TRARG1: variants seen among roughly 807,000 people sequenced by gnomAD.
TRARG1 encodes trafficking regulator of GLUT4 1.
In TRARG1, 16 loss-of-function variants were observed where a neutral mutation model predicts 13.3. That is an observed-to-expected ratio of 1.20 (90% CI 0.81 to 1.83). The LOEUF is 1.83. Ranked by LOEUF, TRARG1 falls within the 40% of genes most tolerant of loss-of-function variation. TRARG1 has a pLI of 0.00. For missense variants in TRARG1, 250 were observed against 237.4 expected, an observed-to-expected ratio of 1.05 and a Z score of -0.35; for synonymous variants, 113 against 106.2, an observed-to-expected ratio of 1.06 and a Z score of -0.39.
In TRARG1 at chr17:1,280,268, C is replaced by A. The variant is rs777449339; in HGVS notation, c.267C>A (p.Ile89=). 2 of 1,614,088 alleles carry A rather than the reference C, an allele frequency of 1.2e-6. No homozygotes were observed. Among genetic ancestry groups the A allele is most frequent in the East Asian group, 4.5e-5 (2 of 44,878 alleles). The change falls in exon 1 of 3, where the codon ATC becomes ATA. Residue 89 remains isoleucine, a synonymous_variant. Coordinates refer to ENST00000333813, the MANE Select transcript of TRARG1 (RefSeq NM_172367.3). ...SRASSRRASS[I]ATTSYAQDQE... is the part of the protein sequence containing the mutation. ...CCAGCTCAAGGAGGGCGTCCTCCATCGCCACCACCTCCTATGCCCAAGACC... is the reference window on the plus strand; with the variant it reads ...CCAGCTCAAGGAGGGCGTCCTCCATAGCCACCACCTCCTATGCCCAAGACC...
intron 2 of TRARG1, among the ~76,000 whole-genome samples, chr17:1,296,747 G>T (rs182087020): frequency 2.2e-4 from 34 of 152,006 alleles, no homozygotes; most frequent in Non-Finnish European, 4.4e-5. Flanking sequence ...CTGACTTCAG[G>T]TGATCCTCCC....
At position 1,295,550 on chromosome 17, in the gene TRARG1, T is replaced by C; in HGVS notation, c.447T>C (p.Ala149=). ...GCGCCCGGAGGCTGGGCCGCCTGGCTCGGCTGCTCAGCATTACCCTCATCA... is the reference window on the plus strand; with the variant it reads ...GCGCCCGGAGGCTGGGCCGCCTGGCCCGGCTGCTCAGCATTACCCTCATCA... The part of the protein sequence containing the change: ...VDGARRLGRL[A]RLLSITLIIM... The change falls in exon 2 of 3, where the codon GCT becomes GCC. Residue 149 remains alanine (A), a synonymous_variant. Transcript: ENST00000333813. 6.2e-7 allele frequency: 1 copy of C among 1,613,368 alleles called. No individual in the cohort carries two copies. The highest frequency in any genetic ancestry group is 8.5e-7 in the Non-Finnish European group (1 of 1,179,832).
chr17:1,294,491 G>T (rs1163893439), intron 1 of TRARG1, among the ~76,000 whole-genome samples: 1 of 48,064 alleles, frequency 2.1e-5, no homozygotes, highest in Non-Finnish European at 3.8e-5. Flanking sequence ...TTTTTTTGAG[G>T]CAGTCTCACT....
At chr17:1,295,205 C>T (rs1472181) in intron 1 of TRARG1, among the ~76,000 whole-genome samples, 119,173 of 152,222 alleles carry the variant, frequency 0.78, 46,970 homozygotes, top group East Asian at 0.88. Context: ...AGCCTGCCAC[C>T]GCCACCTCCT....
At chr17:1,282,595 T>A (rs890791596) in intron 1 of TRARG1, among the ~76,000 whole-genome samples, 17 of 152,072 alleles carry the variant, frequency 1.1e-4, no homozygotes, top group Admixed American at 1.1e-3. Flanking sequence ...GGTCTTGAAC[T>A]CCCGACCTCG....
At chr17:1,287,665 G>T (rs995093735) in intron 1 of TRARG1, among the ~76,000 whole-genome samples, 8 of 132,402 alleles carry the variant, frequency 6.0e-5, no homozygotes, top group African/African-American at 2.3e-4. Flanking sequence ...CTGGCCTGTT[G>T]TTTTTAAGAC....
At chr17:1,280,871 GC>G (rs2071968158) in intron 1 of TRARG1, among the ~76,000 whole-genome samples, 1 of 152,228 alleles carries the variant, frequency 6.6e-6, no homozygotes, top group Non-Finnish European at 1.5e-5. Context: ...AAGAGTCGCA[GC>G]GGCTTCCCTG....
intron 1 of TRARG1, among the ~76,000 whole-genome samples, chr17:1,289,876 G>T (rs2072058069): frequency 6.6e-6 from 1 of 152,082 alleles, no homozygotes; most frequent in Admixed American, 6.6e-5. Flanking sequence ...GTCCCAGCTG[G>T]AGGAAGGGCA....
chr17:1,296,934 C>T (rs997300851), intron 2 of TRARG1, among the ~76,000 whole-genome samples: 8 of 152,154 alleles, frequency 5.3e-5, no homozygotes, highest in East Asian at 3.9e-4. Context: ...CATGAGCCAC[C>T]GCGCCTGGCC....
intron 1 of TRARG1, among the ~76,000 whole-genome samples, chr17:1,292,509 A>G (rs900293554): frequency 1.3e-5 from 2 of 151,188 alleles, no homozygotes; most frequent in African/African-American, 4.9e-5. Flanking sequence ...GTGCCTCCCC[A>G]TCCTCCCTCC....
rs1355938101 is a variant in TRARG1 at position 1,280,292 on chromosome 17, C to A, written c.291C>A (p.Asp97Glu). The A allele has an allele frequency of 6.2e-7, 1 of 1,614,078 alleles. No homozygotes were observed. ...TCGCCACCACCTCCTATGCCCAAGA[C>A]CAAGAAGCCCCCAGAGATTACCTCA... The part of the protein sequence containing the change: ...SSIATTSYAQ[D>E]QEAPRDYLIL... The change falls in exon 1 of 3, where the codon GAC becomes GAA. Residue 97 changes from aspartate (D) to glutamate (E), a missense_variant. Physicochemically the swap from Asp to Glu is conservative, Grantham distance 45. Transcript: ENST00000333813.
Position 1,298,482 on chromosome 17 carries a change from G to T in TRARG1, c.*218G>T. The T allele has an allele frequency of 2.0e-6, 1 of 509,286 alleles. No individual in the cohort carries two copies. The highest frequency in any genetic ancestry group is 3.1e-5 in the East Asian group (1 of 32,652). 31.5% of individuals were successfully genotyped at this position (509,286 alleles called of 1,614,324 possible). A position where few individuals can be genotyped will look rare whatever the true frequency, so the allele number is the denominator to read the frequency against. On this transcript the variant is annotated 3_prime_UTR_variant, in exon 3 of 3. Coordinates refer to ENST00000333813, the MANE Select transcript of TRARG1 (RefSeq NM_172367.3). Reference sequence around the variant, plus strand: ...AAGGAAAGCACAGCGAACCCAATGGGTAACGTGGTTTACTCTCCCGGACGC... The same window carrying T: ...AAGGAAAGCACAGCGAACCCAATGGTTAACGTGGTTTACTCTCCCGGACGC...
chr17:1,296,294 T>C (rs567482725), intron 2 of TRARG1, among the ~76,000 whole-genome samples: 1 of 152,024 alleles, frequency 6.6e-6, no homozygotes, highest in Non-Finnish European at 1.5e-5. Flanking sequence ...CCTTCCGGGT[T>C]CAAGTGATTC....
chr17:1,283,585 T>A (rs1008157560), intron 1 of TRARG1, among the ~76,000 whole-genome samples: 2 of 151,396 alleles, frequency 1.3e-5, no homozygotes, highest in Non-Finnish European at 2.9e-5. Context: ...GGCGGGTGGA[T>A]CTCCTGAGAT....
intron 1 of TRARG1, among the ~76,000 whole-genome samples, chr17:1,295,071 G>A (rs550081327): frequency 1.1e-4 from 17 of 152,258 alleles, no homozygotes; most frequent in Non-Finnish European, 2.4e-4. Context: ...AGAGCCCAGG[G>A]GCTGTCTTGG....
At chr17:1,292,472 CT>C (rs2072076032) in intron 1 of TRARG1, among the ~76,000 whole-genome samples, 1 of 152,192 alleles carries the variant, frequency 6.6e-6, no homozygotes, top group Non-Finnish European at 1.5e-5. Context: ...TGCTCGAGCC[CT>C]GCCTGGCCTA....
At chr17:1,280,535 C>T (rs2150804810) in intron 1 of TRARG1, 147 bp downstream of exon 1, 2 of 896,078 alleles carry the variant, frequency 2.2e-6, no homozygotes, top group African/African-American at 1.7e-5. Flanking sequence ...TCCTCACTGG[C>T]CTCCTCCTTC....
intron 1 of TRARG1, among the ~76,000 whole-genome samples, chr17:1,282,943 GC>G (rs2071995049): frequency 6.6e-6 from 1 of 152,114 alleles, no homozygotes; most frequent in Non-Finnish European, 1.5e-5. Flanking sequence ...TCCCACCTCG[GC>G]CGCCCAAAGT....
rs1491337346 is a variant in TRARG1, at chr17:1,282,214, G to GTA, written c.387+1829_387+1830dup. Among the ~76,000 whole-genome samples the GTA allele has an allele frequency of 1.8e-3, 175 of 99,526 alleles. 5 individuals carry two copies. The highest frequency in any genetic ancestry group is 6.7e-3 in the African/African-American group (163 of 24,354). 65.3% of individuals were successfully genotyped at this position (99,526 alleles called of 152,430 possible). On this transcript the variant is annotated intron_variant, in intron 1 of 2. Transcript: ENST00000333813. ...TACGTGTACACGTGCGTATATGTACGTATACACGTGCGTATATGTACGTAT... is the reference window on the plus strand; with the variant it reads ...TACGTGTACACGTGCGTATATGTACGTATATACACGTGCGTATATGTACGTAT...
Sources: gnomAD v4.1 joint callset for allele counts (sites outside exome capture counted in the v4.1 genomes callset) on GRCh38, gnomAD v4.1.1 for gene constraint, MANE v1.5 for transcripts, NCBI Gene and HGNC (gene_info 2026-07-23, HGNC 2026-07-21) for gene names.